The following CFAP61 variants were observed in gnomAD, a reference collection of about 807,000 sequenced individuals.
CFAP61 encodes the protein cilia- and flagella-associated protein 61.
In CFAP61, 107 loss-of-function variants were observed where a neutral mutation model predicts 135.6. That is an observed-to-expected ratio of 0.79 (90% CI 0.67 to 0.93). The LOEUF (loss-of-function observed/expected upper bound fraction) is 0.93, where lower values mean the gene tolerates loss of function less well. Ranked by LOEUF, CFAP61 falls within the 40% of genes least tolerant of loss-of-function variation. The probability of loss-of-function intolerance (pLI) is 0.00; values close to 1 mark genes in which losing one functional copy is unlikely to be tolerated. For missense variants in CFAP61, 1,507 were observed against 1,556.2 expected, an observed-to-expected ratio of 0.97 and a Z score of 0.53; for synonymous variants, 575 against 578.5, an observed-to-expected ratio of 0.99 and a Z score of 0.09.
At position 20,251,089 on chromosome 20, in the gene CFAP61, C is replaced by T. The variant is rs183469910; in HGVS notation, c.2160-506C>T. ...TTTGTTGTTTTGGCAGGAAGCCATA[C>T]GCTAATTCTCAGAATGAGTGATTAC... On this transcript the variant is annotated intron_variant, in intron 19 of 26. Transcript: ENST00000245957. Among the ~76,000 whole-genome samples, 522 of 152,234 alleles carry T rather than the reference C, an allele frequency of 3.4e-3. 4 individuals carry two copies. The highest frequency in any genetic ancestry group is 0.012 in the African/African-American group (492 of 41,522).
At chr20:20,147,061 G>T (rs1221034657) in intron 9 of CFAP61, among the ~76,000 whole-genome samples, 2 of 152,150 alleles carry the variant, frequency 1.3e-5, no homozygotes, top group Non-Finnish European at 2.9e-5. Context: ...TATCCAAGTT[G>T]CTGCAAAAGA....
Position 20,290,288 on chromosome 20 carries a change from C to T in CFAP61, c.3125-12C>T, listed in dbSNP as rs1446867134. Reference sequence around the variant, plus strand: ...AATTAATTTTAAATGGAAAACTTGCCATCTCTTCTAGGGGGCATTCTTCCT... The same window carrying T: ...AATTAATTTTAAATGGAAAACTTGCTATCTCTTCTAGGGGGCATTCTTCCT... On this transcript the variant is annotated splice_polypyrimidine_tract_variant and intron_variant, in intron 23 of 26. Transcript: ENST00000245957. 6.4e-7 allele frequency: 1 copy of T among 1,567,960 alleles called. No individual in the cohort carries two copies. Among genetic ancestry groups the T allele is most frequent in the South Asian group, 1.1e-5 (1 of 90,048 alleles).
chr20:20,063,105 G>A (rs1442810785), intron 2 of CFAP61, among the ~76,000 whole-genome samples: 5 of 152,270 alleles, frequency 3.3e-5, no homozygotes, highest in South Asian at 2.1e-4. Flanking sequence ...AAATCCTCCC[G>A]CCAATAAAAT....
In CFAP61 at chr20:20,216,303, C is replaced by A. The variant is rs769246230; in HGVS notation, c.1933-11946C>A. The stretch of plus-strand genomic sequence containing the variant: ...TAAAAGTACGTGACCTATCTTTACA[C>A]TGACGTGTGATGTCAGTGGTGAACG... On this transcript the variant is annotated intron_variant, in intron 17 of 26. Coordinates refer to ENST00000245957, the MANE Select transcript of CFAP61 (RefSeq NM_015585.4). 8.6e-4 allele frequency among the ~76,000 whole-genome samples: 131 copies of A among 152,362 alleles called. 2 individuals are homozygous for A. Among genetic ancestry groups the A allele is most frequent in the Non-Finnish European group, 2.6e-4 (18 of 68,036 alleles).
intron 13 of CFAP61, among the ~76,000 whole-genome samples, chr20:20,182,286 TTTAA>T (rs1207913923): frequency 1.3e-5 from 2 of 152,146 alleles, no homozygotes; most frequent in African/African-American, 2.4e-5. Context: ...AATTAAGGAT[TTTAA>T]TTAGTGTTTT....
In CFAP61 at chr20:20,325,058, G is replaced by A. The variant is rs534191144; in HGVS notation, c.3423-16773G>A. On this transcript the variant is annotated intron_variant, in intron 25 of 26. Coordinates refer to ENST00000245957, the MANE Select transcript of CFAP61 (RefSeq NM_015585.4). ...ATCAGAAAGTACAGAGTTCCTTTAA[G>A]GCCAGGAGTTTGAGACCAGCCTGGG... Among the ~76,000 whole-genome samples the A allele has an allele frequency of 2.0e-5, 3 of 152,180 alleles. No homozygotes were observed. The South Asian group carries it at 6.2e-4, about 32-fold the overall frequency.
At chr20:20,289,410 T>A (rs2054840972) in intron 23 of CFAP61, among the ~76,000 whole-genome samples, 2 of 152,238 alleles carry the variant, frequency 1.3e-5, no homozygotes, top group African/African-American at 4.8e-5. Context: ...TAAACCCTTC[T>A]GACCCCTAAG....
intron 25 of CFAP61, among the ~76,000 whole-genome samples, chr20:20,303,727 G>A (rs1200022522): frequency 6.6e-6 from 1 of 152,096 alleles, no homozygotes; most frequent in Non-Finnish European, 1.5e-5. Flanking sequence ...AACGTCCCTC[G>A]TTCAGACCAG....
rs114335521 is a variant in CFAP61 at position 20,090,885 on chromosome 20, A to G, written c.608A>G (p.Tyr203Cys). The G allele has an allele frequency of 2.1e-4, 331 of 1,614,114 alleles. 1 individual carries two copies. In the East Asian group the frequency reaches 6.5e-3, roughly 32 times the overall value. Reference sequence around the variant, plus strand: ...GATCTCATGCCAATATTTATGCGCTATGACACAATTCTGAAGGAAACTTAC... The same window carrying G: ...GATCTCATGCCAATATTTATGCGCTGTGACACAATTCTGAAGGAAACTTAC... The part of the protein sequence containing the change: ...HDDLMPIFMR[Y>C]DTILKETYGE... The change falls in exon 7 of 27, where the codon TAT becomes TGT. Residue 203 changes from tyrosine to cysteine, a missense_variant. Transcript: ENST00000245957.
rs187307793 is a variant in CFAP61, at chr20:20,298,199, G to T, written c.3235G>T (p.Gly1079Cys). ...CCTCCAGGGTTTAGAACTAGTAACC[G>T]GCAGTGCGAAAAATGGGACTTACTT... Reference protein sequence around the residue: ...QPNYGLELVTGSAKNGTYFRI... With the variant: ...QPNYGLELVTCSAKNGTYFRI... Residue 1079 changes from glycine to cysteine, a missense_variant, in exon 25 of 27, where the codon GGC becomes TGC. By Grantham distance (159) the Gly-to-Cys change is radical (BLOSUM62 -3). Coordinates refer to ENST00000245957, the MANE Select transcript of CFAP61 (RefSeq NM_015585.4). 5.6e-6 allele frequency: 9 copies of T among 1,613,328 alleles called. No individual in the cohort carries two copies. The South Asian group carries it at 8.8e-5, about 16-fold the overall frequency.
rs187841320 is a variant in CFAP61, at chr20:20,278,777, T to A, written c.2796+1319T>A. Among the ~76,000 whole-genome samples, 358 of 152,296 alleles carry A rather than the reference T, an allele frequency of 2.4e-3. 4 individuals are homozygous for A. Among genetic ancestry groups the A allele is most frequent in the Non-Finnish European group, 1.6e-3 (108 of 68,020 alleles). On this transcript the variant is annotated intron_variant, in intron 22 of 26. Transcript: ENST00000245957. ...AAAAGACTAAAAAGGAAGATTTTTT[T>A]TAGAATCTCTCATTTTATCCTGAGA...
At chr20:20,072,892 TA>T (rs2045821832) in intron 3 of CFAP61, among the ~76,000 whole-genome samples, 1 of 152,256 alleles carries the variant, frequency 6.6e-6, no homozygotes, top group South Asian at 2.1e-4. Flanking sequence ...AATATTAACT[TA>T]AATATTAAAC....
chr20:20,194,557 C>T (rs1421707702), intron 15 of CFAP61, among the ~76,000 whole-genome samples: 1 of 152,026 alleles, frequency 6.6e-6, no homozygotes, highest in Non-Finnish European at 1.5e-5. Context: ...TTTTATTTGT[C>T]AGTTTTCCTC....
intron 22 of CFAP61, among the ~76,000 whole-genome samples, chr20:20,278,041 C>G (rs917749699): frequency 2.6e-5 from 4 of 152,162 alleles, no homozygotes; most frequent in African/African-American, 9.7e-5. Flanking sequence ...CAGGACCAGC[C>G]CATATTCAAG....
intron 6 of CFAP61, among the ~76,000 whole-genome samples, chr20:20,087,173 T>G (rs2046866727): frequency 6.6e-6 from 1 of 152,138 alleles, no homozygotes; most frequent in Non-Finnish European, 1.5e-5. Flanking sequence ...GGGGTACATG[T>G]GCAGGTTTGT....
intron 22 of CFAP61, among the ~76,000 whole-genome samples, chr20:20,288,051 A>G (rs6035595): frequency 0.089 from 13,582 of 152,230 alleles, 670 homozygotes; most frequent in Non-Finnish European, 0.1. Flanking sequence ...GCAGGAAGCA[A>G]CAAGGCAGGA....
chr20:20,278,107 G>A (rs1314788679), intron 22 of CFAP61, among the ~76,000 whole-genome samples: 3 of 152,182 alleles, frequency 2.0e-5, no homozygotes, highest in South Asian at 2.1e-4. Flanking sequence ...AATGGAGAGC[G>A]CTTCTCTTTA....
intron 13 of CFAP61, among the ~76,000 whole-genome samples, chr20:20,170,063 C>G (rs2054114403): frequency 3.3e-5 from 5 of 152,160 alleles, no homozygotes; most frequent in Admixed American, 3.3e-4. Flanking sequence ...TATGGACACA[C>G]AGAGTGTAAA....
intron 3 of CFAP61, among the ~76,000 whole-genome samples, chr20:20,072,337 G>A (rs6081867): frequency 0.33 from 49,697 of 151,260 alleles, 9,803 homozygotes; most frequent in Non-Finnish European, 0.43. Context: ...GGATGGTCTC[G>A]ATCTCCTGAC....
Sources: allele counts gnomAD v4.1 joint callset (sites outside exome capture counted in the v4.1 genomes callset), GRCh38; gene constraint gnomAD v4.1.1; transcripts MANE v1.5; gene names NCBI Gene and HGNC (gene_info 2026-07-23, HGNC 2026-07-21).